Variants in RNF213 observed in about 807,000 individuals in gnomAD.
RNF213 encodes E3 ubiquitin-protein ligase RNF213.
RNF213 carries 341 observed loss-of-function variants against 514.4 expected under a neutral mutation model. The observed-to-expected ratio is 0.66, with a 90% CI of 0.61 to 0.73. The LOEUF (loss-of-function observed/expected upper bound fraction) is 0.73, where lower values mean the gene tolerates loss of function less well. RNF213 is among the 30% of genes least tolerant of loss of function. The probability of loss-of-function intolerance (pLI) is 0.00; values close to 1 mark genes in which losing one functional copy is unlikely to be tolerated. For missense variants in RNF213, 5,767 were observed against 6,615.6 expected (o/e 0.87, Z 4.45); for synonymous variants, 2,655 against 2,658.2 (o/e 1.00, Z 0.04).
At chr17:80,384,685 C>G (rs893751432) in intron 59 of RNF213, among the ~76,000 whole-genome samples, 1 of 152,202 alleles carries the variant, frequency 6.6e-6, no homozygotes. Context: ...AAGGCCAGCC[C>G]TCGCTGCCTA....
rs148805834 is a variant in RNF213, at chr17:80,267,891, C to T, written c.97+4113C>T. ...CTGGAGTGCAGTGGCTGGTCCTCAG[C>T]TCACTGCAACCTCCGCCTCCCAGGT... On this transcript the variant is annotated intron_variant, in intron 2 of 67. Transcript: ENST00000582970. Among the ~76,000 whole-genome samples the T allele has an allele frequency of 6.1e-3, 926 of 151,514 alleles. 11 individuals are homozygous for T. The highest frequency in any genetic ancestry group is 0.022 in the African/African-American group (891 of 41,244).
chr17:80,288,469 T>C lies in RNF213; in HGVS notation c.810+106T>C. ...TTCCCTGCCGGGGGGAGGGGCGTCC[T>C]CTGGGCCCTGCTCCCTGGGTGGGAG... On this transcript the variant is annotated intron_variant, in intron 4 of 67. Transcript: ENST00000582970. This position sits in a 1 kb window ranked among gnomAD's most constrained non-coding sequence, Gnocchi z 4.9. 6.3e-7 allele frequency: 1 copy of C among 1,593,034 alleles called. No individual in the cohort carries two copies. The highest frequency in any genetic ancestry group is 8.6e-7 in the Non-Finnish European group (1 of 1,166,752).
chr17:80,367,108 C>G (rs1386895327), intron 42 of RNF213, among the ~76,000 whole-genome samples: 1 of 144,566 alleles, frequency 6.9e-6, no homozygotes, highest in African/African-American at 2.5e-5. Context: ...CAGGAGTGAT[C>G]TGGACCTAAG....
At position 80,348,170 on chromosome 17, in the gene RNF213, G is replaced by T; in HGVS notation, c.9835G>T (p.Ala3279Ser). The change falls in exon 29 of 68, where the codon GCA (alanine) becomes TCA (serine). Residue 3279 changes from alanine (A) to serine (S), a missense_variant. Physicochemically the swap from Ala to Ser is moderately conservative, Grantham distance 99 (BLOSUM62 1). Coordinates refer to ENST00000582970, the MANE Select transcript of RNF213 (RefSeq NM_001256071.3). ...GAGCGCCTACTCGCTGGGCGGGTTCGCAGCGGAGTGGCTGTCGCAGGAGTA... is the reference window on the plus strand; with the variant it reads ...GAGCGCCTACTCGCTGGGCGGGTTCTCAGCGGAGTGGCTGTCGCAGGAGTA... Reference protein sequence around the residue: ...RLSAYSLGGFAAEWLSQEYFH... With the variant: ...RLSAYSLGGFSAEWLSQEYFH... 2 of 1,614,042 alleles carry T rather than the reference G, an allele frequency of 1.2e-6. No individual in the cohort carries two copies. Among genetic ancestry groups the T allele is most frequent in the Non-Finnish European group, 1.7e-6 (2 of 1,180,048 alleles).
At chr17:80,319,450 C>T (rs774099533) in intron 17 of RNF213, 138 bp downstream of exon 17, 2 of 1,614,198 alleles carry the variant, frequency 1.2e-6, no homozygotes, top group Admixed American at 1.7e-5. Flanking sequence ...CACCCTCCTC[C>T]CTCGCCAAGG....
chr17:80,376,267 G>A (rs1315058760), intron 51 of RNF213, 34 bp from the exon 52 acceptor site: 2 of 1,612,524 alleles, frequency 1.2e-6, no homozygotes, highest in Non-Finnish European at 1.7e-6. Context: ...AATATTCTTT[G>A]ATACATCTTA....
rs759570290 is a variant in RNF213 at position 80,290,723 on chromosome 17, C to T, written c.1266C>T (p.Tyr422=). The stretch of plus-strand genomic sequence containing the variant: ...ACAGCAATATCTGTGAGCTGCACTA[C>T]ACCAGGTGAGCGTGTCTGTAGGCTT... The part of the protein sequence containing the change: ...KWDSNICELH[Y]TRDLGHDRVL... Residue 422 remains tyrosine, a synonymous_variant, in exon 7 of 68, where the codon TAC becomes TAT. Coordinates refer to ENST00000582970, the MANE Select transcript of RNF213 (RefSeq NM_001256071.3). 8 of 1,614,158 alleles carry T rather than the reference C, an allele frequency of 5.0e-6. No individual in the cohort carries two copies. The highest frequency in any genetic ancestry group is 1.7e-5 in the Admixed American group (1 of 60,018).
In RNF213 at chr17:80,353,454, TG is replaced by T; in HGVS notation, c.10424-57del. On this transcript the variant is annotated intron_variant, in intron 33 of 67. Coordinates refer to ENST00000582970, the MANE Select transcript of RNF213 (RefSeq NM_001256071.3). The surrounding 1 kb of genome is among the most constrained non-coding windows in gnomAD (Gnocchi z 5.0). ...CACACAGACTCCCAGATGGCACCGC[TG>T]CCAGTCCCTGTGCCACCTTCTGAGT... 6.4e-7 allele frequency: 1 copy of T among 1,552,544 alleles called. No homozygotes were observed. Among genetic ancestry groups the T allele is most frequent in the Non-Finnish European group, 8.7e-7 (1 of 1,144,350 alleles).
At chr17:80,386,964 C>T (rs775908794) in intron 63 of RNF213, 73 bp downstream of exon 63, 100 of 1,425,888 alleles carry the variant, frequency 7.0e-5, no homozygotes, top group African/African-American at 1.7e-4. Context: ...GTGTGTTTCT[C>T]GAGAGAGGGA....
Position 80,317,408 on chromosome 17 carries a change from G to A in RNF213, c.2901+131G>A, listed in dbSNP as rs1318656638. ...GGGATGGGGTGAATCACAGCTCCGT[G>A]TTTCTGTTTCTGATCCAGCCCTTAT... On this transcript the variant is annotated intron_variant, in intron 16 of 67. Coordinates refer to ENST00000582970, the MANE Select transcript of RNF213 (RefSeq NM_001256071.3). This position sits in a 1 kb window ranked among gnomAD's most constrained non-coding sequence, Gnocchi z 4.1. The A allele has an allele frequency of 3.7e-6, 3 of 801,776 alleles. No homozygotes were observed. In the African/African-American group the frequency reaches 5.1e-5, roughly 14 times the overall value. 49.7% of individuals were successfully genotyped at this position (801,776 alleles called of 1,614,324 possible).
chr17:80,283,508 G>A (rs930836359), intron 3 of RNF213, among the ~76,000 whole-genome samples: 2 of 152,232 alleles, frequency 1.3e-5, no homozygotes, highest in Non-Finnish European at 2.9e-5. Context: ...GTGGGCAGAG[G>A]GAGTGAGGCC....
rs1422086531 is a variant in RNF213 at position 80,398,619 on chromosome 17, C to T, written c.*5121C>T. The T allele has an allele frequency of 7.3e-6, 1 of 137,246 alleles. No homozygotes were observed. Among genetic ancestry groups the T allele is most frequent in the Non-Finnish European group, 1.5e-5 (1 of 64,988 alleles). 8.5% of individuals were successfully genotyped at this position (137,246 alleles called of 1,614,324 possible). A position where few individuals can be genotyped will look rare whatever the true frequency, so the allele number is the denominator to read the frequency against. The stretch of plus-strand genomic sequence containing the variant: ...TAGACTCCCCACCCGCCCGCCCCAA[C>T]AGTGGTTGAGAGAACAGCAGCATAA... On this transcript the variant is annotated 3_prime_UTR_variant, in exon 68 of 68. Transcript: ENST00000582970.
At chr17:80,383,139 A>T in intron 58 of RNF213, 69 bp downstream of exon 58, 1 of 1,119,724 alleles carries the variant, frequency 8.9e-7, no homozygotes, top group Non-Finnish European at 1.4e-6. Context: ...CGTCTGCTGA[A>T]TGCTCCTTGC....
At position 80,318,353 on chromosome 17, in the gene RNF213, C is replaced by T. The variant is rs549885137; in HGVS notation, c.2902-837C>T. Among the ~76,000 whole-genome samples, 12 of 152,234 alleles carry T rather than the reference C, an allele frequency of 7.9e-5. No homozygotes were observed. In the East Asian group the frequency reaches 1.2e-3, roughly 15 times the overall value. The stretch of plus-strand genomic sequence containing the variant: ...CGAAGGTGGGGTTTTGCCAGGGACC[C>T]GCCCCTGTCTGCGTAGGATTTCTCT... On this transcript the variant is annotated intron_variant, in intron 16 of 67. Coordinates refer to ENST00000582970, the MANE Select transcript of RNF213 (RefSeq NM_001256071.3).
In RNF213 at chr17:80,344,659, T is replaced by C. The variant is rs2078253195; in HGVS notation, c.6343-19T>C. On this transcript the variant is annotated intron_variant, in intron 28 of 67. Coordinates refer to ENST00000582970, the MANE Select transcript of RNF213 (RefSeq NM_001256071.3). ...GAAAGTCTTCTTGTAACCATTTCAT[T>C]AATGTCTCTCCTTTCCAGCGTACAC... The C allele has an allele frequency of 6.2e-7, 1 of 1,613,980 alleles. No individual in the cohort carries two copies. The highest frequency in any genetic ancestry group is 8.5e-7 in the Non-Finnish European group (1 of 1,179,922).
chr17:80,344,710 C>T lies in RNF213; in HGVS notation c.6375C>T (p.Asp2125=). ...GTGTACCCCAGTTCAGTTTTCTTGA[C>T]ATCTTCCCAAAAGTCACCTGCAGGC... ...RTRVPQFSFL[D]IFPKVTCRPP... is the part of the protein sequence containing the mutation. The change falls in exon 29 of 68, where the codon GAC becomes GAT. Residue 2125 remains aspartate (D), a synonymous_variant. Transcript: ENST00000582970. 1 of 1,614,132 alleles carries T rather than the reference C, an allele frequency of 6.2e-7. No individual in the cohort carries two copies. The highest frequency in any genetic ancestry group is 1.1e-5 in the South Asian group (1 of 91,078).
intron 2 of RNF213, among the ~76,000 whole-genome samples, chr17:80,270,263 T>A (rs1598884169): frequency 6.6e-5 from 10 of 152,236 alleles, no homozygotes; most frequent in Admixed American, 6.5e-4. Flanking sequence ...AACAGGCCTA[T>A]CCTGGGCACT....
intron 3 of RNF213, among the ~76,000 whole-genome samples, chr17:80,281,858 TA>T (rs1314792576): frequency 1.3e-5 from 2 of 152,116 alleles, no homozygotes; most frequent in South Asian, 2.1e-4. Context: ...CTTAATTTTT[TA>T]TTTTTTTTAT....
chr17:80,326,118 C>A (rs1307610916), intron 18 of RNF213, among the ~76,000 whole-genome samples: 1 of 151,972 alleles, frequency 6.6e-6, no homozygotes, highest in African/African-American at 2.4e-5. Flanking sequence ...GCCACTGTGC[C>A]CAGCAGTTTA....
Sources: allele counts gnomAD v4.1 joint callset (sites outside exome capture counted in the v4.1 genomes callset), GRCh38; gene constraint gnomAD v4.1.1; non-coding constraint Gnocchi (gnomAD v3.1); transcripts MANE v1.5; gene names NCBI Gene and HGNC (gene_info 2026-07-23, HGNC 2026-07-21).